Variants in RARB observed in about 807,000 individuals in gnomAD.
RARB encodes HBV-activated protein.
RARB carries 17 observed loss-of-function variants against 51.9 expected under a neutral mutation model. That is an observed-to-expected ratio of 0.33 (90% CI 0.22 to 0.49). RARB has a LOEUF of 0.49. Among genes scored for constraint, RARB ranks in the 20% least tolerant of loss-of-function variants. RARB has a pLI of 0.99. For missense variants in RARB, 369 were observed against 550.8 expected, an observed-to-expected ratio of 0.67 and a Z score of 3.30; for synonymous variants, 215 against 195.4, an observed-to-expected ratio of 1.10 and a Z score of -0.84.
intron 3 of RARB, among the ~76,000 whole-genome samples, chr3:25,536,479 T>C (rs1699147216): frequency 6.6e-6 from 1 of 152,130 alleles, no homozygotes; most frequent in African/African-American, 2.4e-5. Context: ...AAACCCACCA[T>C]GGGGGAAAAA....
At chr3:25,133,813 A>G (rs1420121166) in intron 4 of RARB, among the ~76,000 whole-genome samples, 1 of 139,854 alleles carries the variant, frequency 7.2e-6, no homozygotes, top group Admixed American at 7.9e-5. Context: ...AACAAAAAGT[A>G]TGTGTGTGAC....
chr3:25,002,933 T>C (rs1697197358), intron 2 of RARB, among the ~76,000 whole-genome samples: 1 of 152,158 alleles, frequency 6.6e-6, no homozygotes. Flanking sequence ...ATATGAATAT[T>C]TGTTATGATT....
At position 25,291,224 on chromosome 3, in the gene RARB, C is replaced by G. The variant is rs149623947; in HGVS notation, c.178+116649C>G. Among the ~76,000 whole-genome samples the G allele has an allele frequency of 2.2e-3, 336 of 152,278 alleles. 3 individuals carry two copies. The highest frequency in any genetic ancestry group is 7.7e-3 in the African/African-American group (322 of 41,556). On this transcript the variant is annotated intron_variant, in intron 5 of 11. Coordinates refer to the RARB transcript ENST00000383772. ...ATAGATACACACATATATATCTTCCCTCAGGTCATGAATGCATAGCTCATT... is the reference window on the plus strand; with the variant it reads ...ATAGATACACACATATATATCTTCCGTCAGGTCATGAATGCATAGCTCATT...
chr3:24,911,025 G>A (rs772614075), intron 2 of RARB, among the ~76,000 whole-genome samples: 1 of 152,072 alleles, frequency 6.6e-6, no homozygotes, highest in Non-Finnish European at 1.5e-5. Flanking sequence ...ATTTCTCTTC[G>A]GCAAGCTGTG....
intron 3 of RARB, among the ~76,000 whole-genome samples, chr3:25,087,452 A>G (rs1699124094): frequency 6.6e-6 from 1 of 152,110 alleles, no homozygotes. Context: ...CAAAACCAGA[A>G]TCCATCATGT....
At chr3:25,095,921 T>G (rs1699284780) in intron 3 of RARB, among the ~76,000 whole-genome samples, 1 of 152,126 alleles carries the variant, frequency 6.6e-6, no homozygotes, top group Admixed American at 6.6e-5. Context: ...ATCTACATCT[T>G]CCAAACTGTT....
chr3:25,306,790 T>C (rs1321329852), intron 5 of RARB, among the ~76,000 whole-genome samples: 1 of 152,240 alleles, frequency 6.6e-6, no homozygotes, highest in Non-Finnish European at 1.5e-5. Flanking sequence ...ATTATAATAA[T>C]GCCTGATTAT....
intron 2 of RARB, among the ~76,000 whole-genome samples, chr3:24,898,755 T>C (rs1703533005): frequency 6.6e-6 from 1 of 152,224 alleles, no homozygotes; most frequent in African/African-American, 2.4e-5. Flanking sequence ...CTATGGTAGC[T>C]GCATTTAGCT....
chr3:24,950,645 C>A (rs551969106), intron 2 of RARB, among the ~76,000 whole-genome samples: 2 of 149,220 alleles, frequency 1.3e-5, no homozygotes, highest in South Asian at 4.2e-4. Context: ...ATGTGCACAG[C>A]TAAACAACAC....
rs1701899368 is a variant in RARB, at chr3:25,597,517, G to GGATAATTAGCAGGCTGGTCTACCA, written c.*902_*925dup. On this transcript the variant is annotated 3_prime_UTR_variant, in exon 8 of 8. Coordinates refer to ENST00000330688, the MANE Select transcript of RARB (RefSeq NM_000965.5). ...CACAAGCCATTAGGGAAATTTCATG[G>GGATAATTAGCAGGCTGGTCTACCA]GATAATTAGCAGGCTGGTCTACCAC... 6.6e-6 allele frequency: 1 copy of GGATAATTAGCAGGCTGGTCTACCA among 152,554 alleles called. No individual in the cohort carries two copies. The highest frequency in any genetic ancestry group is 2.4e-5 in the African/African-American group (1 of 41,426). 9.5% of individuals were successfully genotyped at this position (152,554 alleles called of 1,614,324 possible).
chr3:25,204,320 A>G (rs1357624434), intron 5 of RARB, among the ~76,000 whole-genome samples: 2 of 152,106 alleles, frequency 1.3e-5, no homozygotes, highest in Non-Finnish European at 2.9e-5. Context: ...CTAGTTAGCC[A>G]TTCGTCTAAT....
intron 1 of RARB, among the ~76,000 whole-genome samples, chr3:25,435,769 T>G (rs997909446): frequency 6.6e-6 from 1 of 152,142 alleles, no homozygotes; most frequent in African/African-American, 2.4e-5. Flanking sequence ...CAACAAATAA[T>G]TGATGAAAAA....
intron 5 of RARB, among the ~76,000 whole-genome samples, chr3:25,332,814 C>A (rs1000836132): frequency 1.3e-5 from 2 of 152,174 alleles, no homozygotes; most frequent in Non-Finnish European, 2.9e-5. Context: ...AGCTGTTAAG[C>A]AACTTCAGCA....
intron 2 of RARB, among the ~76,000 whole-genome samples, chr3:24,882,075 GGAGAATAA>G (rs1191725868): frequency 2.6e-5 from 4 of 152,150 alleles, no homozygotes; most frequent in Non-Finnish European, 4.4e-5. Flanking sequence ...ACTTGTATTT[GGAGAATAA>G]GAGAATAATG....
chr3:25,331,894 C>T (rs948886038), intron 5 of RARB, among the ~76,000 whole-genome samples: 1 of 152,152 alleles, frequency 6.6e-6, no homozygotes, highest in Non-Finnish European at 1.5e-5. Flanking sequence ...ATACTATTAA[C>T]ACCTCTATGC....
chr3:25,018,712 A>G (rs2125283640), intron 2 of RARB, among the ~76,000 whole-genome samples: 1 of 152,326 alleles, frequency 6.6e-6, no homozygotes, highest in Admixed American at 6.5e-5. Flanking sequence ...TCAATTTTAC[A>G]TCTGTGACTC....
chr3:25,361,174 T>A (rs1399980762), intron 5 of RARB, among the ~76,000 whole-genome samples: 1 of 152,254 alleles, frequency 6.6e-6, no homozygotes, highest in East Asian at 1.9e-4. Context: ...ACTTTGTTCC[T>A]TCCGTTTCAT....
At chr3:25,284,045 C>G (rs1485660139) in intron 5 of RARB, among the ~76,000 whole-genome samples, 1 of 152,214 alleles carries the variant, frequency 6.6e-6, no homozygotes, top group Non-Finnish European at 1.5e-5. Context: ...GGCAATCTCT[C>G]TCCTTCCCTT....
At chr3:25,418,131 C>G (rs1462959599) in intron 5 of RARB, among the ~76,000 whole-genome samples, 3 of 152,148 alleles carry the variant, frequency 2.0e-5, no homozygotes, top group Admixed American at 6.5e-5. Flanking sequence ...CATGGCCACA[C>G]CTAGCTGCGA....
Sources: gnomAD v4.1 joint callset for allele counts (sites outside exome capture counted in the v4.1 genomes callset) on GRCh38, gnomAD v4.1.1 for gene constraint, MANE v1.5 for transcripts, NCBI Gene and HGNC (gene_info 2026-07-23, HGNC 2026-07-21) for gene names.